Variants in KIF1A observed in about 807,000 individuals in gnomAD.
KIF1A encodes kinesin family member 1A.
A neutral mutation model predicts 227.3 loss-of-function variants in KIF1A; 46 were observed. The observed-to-expected ratio is 0.20, with a 90% CI of 0.16 to 0.26. The LOEUF (loss-of-function observed/expected upper bound fraction) is 0.26, where lower values mean the gene tolerates loss of function less well. Among genes scored for constraint, KIF1A ranks in the 10% least tolerant of loss-of-function variants. KIF1A has a pLI of 1.00. For synonymous variants in KIF1A, 1,022 were observed against 1,012.8 expected (o/e 1.01, Z -0.17); for missense variants, 1,683 against 2,485.9 (o/e 0.68, Z 6.87).
intron 1 of KIF1A, among the ~76,000 whole-genome samples, chr2:240,816,155 T>C (rs2058299748): frequency 6.6e-6 from 1 of 151,220 alleles, no homozygotes; most frequent in Non-Finnish European, 1.5e-5. Context: ...GCAGAGTGTG[T>C]GTGTGTGTGT....
intron 18 of KIF1A, 98 bp downstream of exon 18, chr2:240,767,168 A>T: frequency 8.5e-7 from 1 of 1,175,256 alleles, no homozygotes; most frequent in Non-Finnish European, 1.2e-6. Context: ...GTCCAAACTC[A>T]GTGGCCCCTC....
chr2:240,800,147 CTAAAGA>C (rs2056840072), intron 1 of KIF1A, among the ~76,000 whole-genome samples: 1 of 148,138 alleles, frequency 6.8e-6, no homozygotes, highest in African/African-American at 2.5e-5. Flanking sequence ...CACACACACA[CTAAAGA>C]AAAAGGCAGC....
Position 240,741,168 on chromosome 2 carries a change from C to T in KIF1A, c.3749+101G>A. On this transcript the variant is annotated intron_variant, in intron 35 of 48. Transcript: ENST00000498729. ...CAGTGAACACCCGCTGGAAGAACGA[C>T]TCTGGATGCTGGCAACCCTCAGGCA... The T allele has an allele frequency of 7.8e-6, 6 of 765,996 alleles. No homozygotes were observed. In the South Asian group the frequency reaches 1.0e-4, roughly 13 times the overall value. 47.4% of individuals were successfully genotyped at this position (765,996 alleles called of 1,614,324 possible).
In KIF1A at chr2:240,725,192, C is replaced by G; in HGVS notation, c.4256+79G>C. 6.7e-7 allele frequency: 1 copy of G among 1,484,914 alleles called. No homozygotes were observed. Among genetic ancestry groups the G allele is most frequent in the Non-Finnish European group, 9.1e-7 (1 of 1,101,540 alleles). 92.0% of individuals were successfully genotyped at this position (1,484,914 alleles called of 1,614,324 possible). A position where few individuals can be genotyped will look rare whatever the true frequency, so the allele number is the denominator to read the frequency against. On this transcript the variant is annotated intron_variant, in intron 40 of 48. Transcript: ENST00000498729. This position sits in a 1 kb window ranked among gnomAD's most constrained non-coding sequence, Gnocchi z 5.8. ...GTGAGCTGCCGGGTGGCCCAAGGACCGCTGCCAGGCAGAGCCCTGCCTGGC... is the reference window on the plus strand; with the variant it reads ...GTGAGCTGCCGGGTGGCCCAAGGACGGCTGCCAGGCAGAGCCCTGCCTGGC...
chr2:240,796,167 C>T (rs1275926474), intron 2 of KIF1A, among the ~76,000 whole-genome samples: 1 of 152,232 alleles, frequency 6.6e-6, no homozygotes, highest in Non-Finnish European at 1.5e-5. Flanking sequence ...TCGAAGGTCA[C>T]ACCCAGAGCC....
At chr2:240,731,629 G>A (rs1010959289) in intron 38 of KIF1A, among the ~76,000 whole-genome samples, 11 of 152,200 alleles carry the variant, frequency 7.2e-5, no homozygotes, top group Admixed American at 2.6e-4. Flanking sequence ...GGCCCTGACC[G>A]GGAGCTGCCT....
chr2:240,785,184 G>C (rs2054571248), intron 6 of KIF1A, 84 bp from the exon 7 acceptor site: 2 of 1,108,994 alleles, frequency 1.8e-6, no homozygotes, highest in East Asian at 2.4e-5. Flanking sequence ...CTCTGAACCA[G>C]GTCATCGGGG....
chr2:240,720,179 T>C, intron 45 of KIF1A: 2 of 400,330 alleles, frequency 5.0e-6, no homozygotes, highest in Non-Finnish European at 8.9e-6. Context: ...CCAGGGAGCC[T>C]GTGCCCCACT....
chr2:240,775,703 T>C lies in KIF1A; in HGVS notation c.958+148A>G, dbSNP rs2052637653. 3 of 632,148 alleles carry C rather than the reference T, an allele frequency of 4.7e-6. No individual in the cohort carries two copies. Among genetic ancestry groups the C allele is most frequent in the Non-Finnish European group, 8.6e-6 (3 of 347,232 alleles). The allele number at this position is 632,148 out of a possible 1,614,324, so 39.2% of individuals were successfully genotyped here. Reference sequence around the variant, plus strand: ...CAGGTCCTCCAGAAGGGCCACGAACTGACTGGACCCTCCAGGTTCACCTCC... The same window carrying C: ...CAGGTCCTCCAGAAGGGCCACGAACCGACTGGACCCTCCAGGTTCACCTCC... On this transcript the variant is annotated intron_variant, in intron 11 of 48. Transcript: ENST00000498729. The surrounding 1 kb of genome is among the most constrained non-coding windows in gnomAD (Gnocchi z 5.5).
chr2:240,735,584 A>G lies in KIF1A; in HGVS notation c.4007+1479T>C, dbSNP rs531773155. ...AATGAGGTCATCTCCCAGGCTCCAA[A>G]GCACATCTCACATGGCAGACCCGCC... On this transcript the variant is annotated intron_variant, in intron 38 of 48. Coordinates refer to ENST00000498729, the MANE Select transcript of KIF1A (RefSeq NM_001244008.2). Among the ~76,000 whole-genome samples, 177 of 152,270 alleles carry G rather than the reference A, an allele frequency of 1.2e-3. 2 individuals carry two copies. Among genetic ancestry groups the G allele is most frequent in the Admixed American group, 7.8e-4 (12 of 15,312 alleles).
chr2:240,750,391 G>A lies in KIF1A; in HGVS notation c.2977+38C>T, dbSNP rs115874389. ...TGCAAAGGTCAGAGCCAGCCCCAGG[G>A]GCTCCAATGCCACACACGGCCTTTG... On this transcript the variant is annotated intron_variant, in intron 28 of 48. Coordinates refer to ENST00000498729, the MANE Select transcript of KIF1A (RefSeq NM_001244008.2). 6.0e-3 allele frequency: 8,937 copies of A among 1,501,714 alleles called. 440 individuals carry two copies. The African/African-American group carries it at 0.1, about 18-fold the overall frequency. The allele number at this position is 1,501,714 out of a possible 1,614,324, so 93.0% of individuals were successfully genotyped here. A position where few individuals can be genotyped will look rare whatever the true frequency, so the allele number is the denominator to read the frequency against.
chr2:240,761,486 G>T (rs1026698465), intron 23 of KIF1A, 109 bp from the exon 24 acceptor site: 2 of 1,037,196 alleles, frequency 1.9e-6, no homozygotes, highest in African/African-American at 3.2e-5. Flanking sequence ...GGCTGCCTAA[G>T]CTGACCCTGT....
chr2:240,797,771 T>C lies in KIF1A; in HGVS notation c.-19A>G, dbSNP rs780235401. The C allele has an allele frequency of 3.2e-6, 5 of 1,556,758 alleles. No homozygotes were observed. In the South Asian group the frequency reaches 5.7e-5, roughly 18 times the overall value. ...CGGCCATCTCTGTGGCCTTCGTGGGTCACTCCTCGCAGTAGTGGGAGCCCC... is the reference window on the plus strand; with the variant it reads ...CGGCCATCTCTGTGGCCTTCGTGGGCCACTCCTCGCAGTAGTGGGAGCCCC... On this transcript the variant is annotated 5_prime_UTR_variant, in exon 2 of 49. Coordinates refer to ENST00000498729, the MANE Select transcript of KIF1A (RefSeq NM_001244008.2).
At chr2:240,791,825 G>A (rs1414912575) in intron 2 of KIF1A, among the ~76,000 whole-genome samples, 1 of 152,102 alleles carries the variant, frequency 6.6e-6, no homozygotes, top group Non-Finnish European at 1.5e-5. Flanking sequence ...GCCCTTGGGA[G>A]AATCCCTCAG....
chr2:240,776,877 T>C (rs2052792021), intron 10 of KIF1A, among the ~76,000 whole-genome samples: 1 of 152,226 alleles, frequency 6.6e-6, no homozygotes, highest in South Asian at 2.1e-4. Flanking sequence ...TTGAAAGCTC[T>C]TGAGACTCCC....
chr2:240,787,005 C>A (rs1348728553), intron 5 of KIF1A, among the ~76,000 whole-genome samples: 1 of 152,218 alleles, frequency 6.6e-6, no homozygotes, highest in Non-Finnish European at 1.5e-5. Context: ...GAGGCACCTG[C>A]CCATGCCCTG....
intron 38 of KIF1A, among the ~76,000 whole-genome samples, chr2:240,732,495 G>A (rs1236624026): frequency 7.2e-6 from 1 of 139,380 alleles, no homozygotes; most frequent in African/African-American, 2.7e-5. Flanking sequence ...GAAAGGGTGA[G>A]AGGAGGAGGA....
chr2:240,722,930 G>A (rs755299447), intron 42 of KIF1A, among the ~76,000 whole-genome samples: 55 of 152,192 alleles, frequency 3.6e-4, no homozygotes, highest in Non-Finnish European at 6.3e-4. Context: ...CACGCGCCAG[G>A]TTCTGGGGCA....
At chr2:240,795,367 A>G (rs560768388) in intron 2 of KIF1A, among the ~76,000 whole-genome samples, 1 of 152,354 alleles carries the variant, frequency 6.6e-6, no homozygotes, top group East Asian at 1.9e-4. Context: ...GTGGCTGCCC[A>G]CAGATATGGC....
Sources: gnomAD v4.1 joint callset for allele counts (sites outside exome capture counted in the v4.1 genomes callset) on GRCh38, gnomAD v4.1.1 for gene constraint, Gnocchi (gnomAD v3.1) non-coding constraint, MANE v1.5 for transcripts, NCBI Gene and HGNC (gene_info 2026-07-23, HGNC 2026-07-21) for gene names.